Variants in STPG4 observed in about 807,000 individuals in gnomAD.
The protein encoded by STPG4 is sperm-tail PG-rich repeat containing 4, also known as protein STPG4.
A neutral mutation model predicts 31.5 loss-of-function variants in STPG4; 41 were observed. The ratio of observed to expected loss-of-function variants is 1.30; its 90% CI spans 1.01 to 1.69. STPG4 has a LOEUF of 1.69. STPG4 is among the 40% of genes most tolerant of loss of function. The pLI is 0.00. For missense variants in STPG4, 375 were observed against 293.4 expected (o/e 1.28, Z -2.03); for synonymous variants, 141 against 103.0 (o/e 1.37, Z -2.24).
chr2:47,152,006 G>A (rs891647844), intron 2 of STPG4, among the ~76,000 whole-genome samples: 2 of 151,154 alleles, frequency 1.3e-5, no homozygotes, highest in African/African-American at 2.4e-5. Context: ...CTTGTGATCC[G>A]CCCGCCTTGG....
At chr2:47,113,341 A>C (rs1686079440) in intron 5 of STPG4, among the ~76,000 whole-genome samples, 1 of 152,210 alleles carries the variant, frequency 6.6e-6, no homozygotes, top group Admixed American at 6.5e-5. Flanking sequence ...ATATCTCTTA[A>C]CTATATAGAG....
rs34105765 is a variant in STPG4 at position 47,092,799 on chromosome 2, G to GTT, written c.520-2427_520-2426dup. On this transcript the variant is annotated intron_variant, in intron 5 of 6. Transcript: ENST00000445927. Reference sequence around the variant, plus strand: ...TGCACTGCAGACCCTCCACGGTTCTGTTTTTTTTTTTTTGAGACAGTCTCA... The same window carrying GTT: ...TGCACTGCAGACCCTCCACGGTTCTGTTTTTTTTTTTTTTTGAGACAGTCTCA... Among the ~76,000 whole-genome samples the GTT allele has an allele frequency of 5.4e-5, 8 of 148,776 alleles. No individual in the cohort carries two copies. In the East Asian group the frequency reaches 9.9e-4, roughly 18 times the overall value.
At position 47,133,590 on chromosome 2, in the gene STPG4, T is replaced by TTTTTTTTTTA. The variant is rs1686533909; in HGVS notation, c.400-3331_400-3330insTAAAAAAAAA. Among the ~76,000 whole-genome samples the TTTTTTTTTTA allele has an allele frequency of 1.4e-5, 2 of 141,414 alleles. 1 individual carries two copies. 92.8% of individuals were successfully genotyped at this position (141,414 alleles called of 152,430 possible). On this transcript the variant is annotated intron_variant, in intron 3 of 6. Coordinates refer to ENST00000445927, the MANE Select transcript of STPG4 (RefSeq NM_001163561.2). ...CAAATCTTTTTTTTTTTTTTTTTTT[T>TTTTTTTTTTA]TTTTGAGACTGAGTTTGGCTCTTGT...
intron 5 of STPG4, among the ~76,000 whole-genome samples, chr2:47,098,200 C>T (rs191125603): frequency 8.7e-4 from 132 of 152,326 alleles, no homozygotes; most frequent in African/African-American, 2.5e-3. Flanking sequence ...CTAGCCTGAC[C>T]CAAAACGGGT....
At chr2:47,146,804 C>G (rs1022142271) in intron 3 of STPG4, among the ~76,000 whole-genome samples, 2 of 151,524 alleles carry the variant, frequency 1.3e-5, no homozygotes, top group Non-Finnish European at 2.9e-5. Context: ...GAAGAAAAAC[C>G]AAAAATGAGG....
In STPG4 at chr2:47,102,325, C is replaced by G. The variant is rs1407811998; in HGVS notation, c.520-11951G>C. Among the ~76,000 whole-genome samples, 3 of 151,716 alleles carry G rather than the reference C, an allele frequency of 2.0e-5. 1 individual carries two copies. The highest frequency in any genetic ancestry group is 7.3e-5 in the African/African-American group (3 of 41,128). On this transcript the variant is annotated intron_variant, in intron 5 of 6. Transcript: ENST00000445927. ...GGGAAACATTCAGGCATCAACAGGC[C>G]CACCCTTGAAATGCATCCTAAGCCT...
chr2:47,110,301 A>G (rs1480996362), intron 5 of STPG4, among the ~76,000 whole-genome samples: 1 of 152,198 alleles, frequency 6.6e-6, no homozygotes, highest in East Asian at 1.9e-4. Flanking sequence ...GCTTTTAAAA[A>G]TTATATTTTG....
Position 47,087,146 on chromosome 2 carries a change from A to C in STPG4, c.625-16T>G, listed in dbSNP as rs1685471960. 9.7e-6 allele frequency: 15 copies of C among 1,551,508 alleles called. No individual in the cohort carries two copies. Among genetic ancestry groups the C allele is most frequent in the Non-Finnish European group, 1.3e-5 (15 of 1,146,892 alleles). On this transcript the variant is annotated splice_polypyrimidine_tract_variant and intron_variant, in intron 6 of 6. Coordinates refer to ENST00000445927, the MANE Select transcript of STPG4 (RefSeq NM_001163561.2). ...CTGGGGTTTTCTGAAAACAGAGCAG[A>C]AAACAGGGACTGATGAGACAGTGAA...
chr2:47,121,137 T>TG (rs1161802739), intron 5 of STPG4: 4 of 153,824 alleles, frequency 2.6e-5, no homozygotes, highest in Non-Finnish European at 1.5e-5. Context: ...ACCTGTGCGG[T>TG]GGGGGTGGGG....
At chr2:47,138,729 T>C (rs1032735979) in intron 3 of STPG4, among the ~76,000 whole-genome samples, 1 of 152,222 alleles carries the variant, frequency 6.6e-6, no homozygotes, top group African/African-American at 2.4e-5. Context: ...TTTGTATTTT[T>C]AGTAGAGACG....
chr2:47,101,392 G>A (rs1238364005), intron 5 of STPG4, among the ~76,000 whole-genome samples: 3 of 151,724 alleles, frequency 2.0e-5, no homozygotes, highest in Admixed American at 6.6e-5. Context: ...CTGCGGCCAT[G>A]AGCAGAACTC....
chr2:47,131,168 C>A (rs914407451), intron 3 of STPG4, among the ~76,000 whole-genome samples: 5 of 151,254 alleles, frequency 3.3e-5, no homozygotes, highest in Admixed American at 3.3e-4. Flanking sequence ...ACTCTGTTGC[C>A]CACGGTGGAG....
At chr2:47,143,174 A>G (rs184543844) in intron 3 of STPG4, among the ~76,000 whole-genome samples, 2 of 152,288 alleles carry the variant, frequency 1.3e-5, no homozygotes, top group East Asian at 3.9e-4. Context: ...GTATGGGTGT[A>G]TCATTTTCTA....
chr2:47,107,641 A>AC (rs1446234450), intron 5 of STPG4, among the ~76,000 whole-genome samples: 11 of 151,950 alleles, frequency 7.2e-5, no homozygotes, highest in African/African-American at 1.7e-4. Flanking sequence ...AGTCCCATCG[A>AC]CACCCAAGGG....
intron 5 of STPG4, among the ~76,000 whole-genome samples, chr2:47,104,047 C>T (rs1425076662): frequency 6.6e-6 from 1 of 151,972 alleles, no homozygotes; most frequent in African/African-American, 2.4e-5. Context: ...AAGTCCCACA[C>T]CCTTATTAGG....
intron 5 of STPG4, among the ~76,000 whole-genome samples, chr2:47,123,676 G>A (rs770976302): frequency 1.3e-5 from 2 of 151,932 alleles, no homozygotes; most frequent in Non-Finnish European, 2.9e-5. Flanking sequence ...CTCATTTCTC[G>A]TATATCTTCA....
intron 3 of STPG4, among the ~76,000 whole-genome samples, chr2:47,149,200 G>T (rs1177973267): frequency 6.6e-6 from 1 of 152,142 alleles, no homozygotes; most frequent in Non-Finnish European, 1.5e-5. Flanking sequence ...AAAGAAGAAA[G>T]AAACAGAAAA....
chr2:47,090,085 C>T (rs541042211), intron 6 of STPG4, among the ~76,000 whole-genome samples, 185 bp downstream of exon 6: 77 of 152,272 alleles, frequency 5.1e-4, no homozygotes, highest in African/African-American at 1.8e-3. Flanking sequence ...TGAGAACATC[C>T]AGGTATTTGA....
At chr2:47,154,373 C>A (rs1019022409) in intron 1 of STPG4, among the ~76,000 whole-genome samples, 2 of 152,200 alleles carry the variant, frequency 1.3e-5, no homozygotes, top group Non-Finnish European at 2.9e-5. Flanking sequence ...AGGCCTCCCA[C>A]CCCTACCCCA....
Sources: gnomAD v4.1 joint callset for allele counts (sites outside exome capture counted in the v4.1 genomes callset) on GRCh38, gnomAD v4.1.1 for gene constraint, MANE v1.5 for transcripts, NCBI Gene and HGNC (gene_info 2026-07-23, HGNC 2026-07-21) for gene names.